TDRD7: variants seen among roughly 807,000 people sequenced by gnomAD.
TDRD7 encodes the protein tudor domain containing 7.
Under a neutral mutation model 109.8 loss-of-function variants are expected in TDRD7, and 47 were observed. That is an observed-to-expected ratio of 0.43 (90% CI 0.34 to 0.55). The LOEUF (loss-of-function observed/expected upper bound fraction) is 0.55. Ranked by LOEUF, TDRD7 falls within the 20% of genes least tolerant of loss-of-function variation. TDRD7 has a pLI of 0.03. For synonymous variants in TDRD7, 424 were observed against 457.3 expected (o/e 0.93, Z 0.93); for missense variants, 1,164 against 1,319.2 (o/e 0.88, Z 1.82).
At chr9:97,459,706 G>A (rs1386644019) in intron 6 of TDRD7, among the ~76,000 whole-genome samples, 1 of 152,128 alleles carries the variant, frequency 6.6e-6, no homozygotes, top group African/African-American at 2.4e-5. Flanking sequence ...TCTAAATAAT[G>A]GAAAGCCAAG....
At position 97,460,406 on chromosome 9, in the gene TDRD7, C is replaced by G; in HGVS notation, c.1084C>G (p.Pro362Ala). 1 of 1,614,202 alleles carries G rather than the reference C, an allele frequency of 6.2e-7. No homozygotes were observed. The highest frequency in any genetic ancestry group is 8.5e-7 in the Non-Finnish European group (1 of 1,180,044). Residue 362 changes from proline (P) to alanine (A), a missense_variant, in exon 7 of 17, where the codon CCG becomes GCG. Coordinates refer to ENST00000355295, the MANE Select transcript of TDRD7 (RefSeq NM_014290.3). ...YTSGLWASAL[P>A]KAFEEMYKVK... ...AAGTGGCCTTTGGGCCAGTGCACTT[C>G]CGAAAGCATTTGAGGAAATGTACAA...
chr9:97,440,105 G>T (rs1295034352), intron 5 of TDRD7, among the ~76,000 whole-genome samples: 4 of 152,072 alleles, frequency 2.6e-5, no homozygotes, highest in Non-Finnish European at 5.9e-5. Flanking sequence ...TGAACAATAT[G>T]ATTTTTGTTT....
At chr9:97,437,349 G>A (rs1828220613) in intron 4 of TDRD7, among the ~76,000 whole-genome samples, 1 of 152,142 alleles carries the variant, frequency 6.6e-6, no homozygotes, top group Non-Finnish European at 1.5e-5. Context: ...CTTCTGAGTT[G>A]TTCATTAGTC....
chr9:97,493,399 A>G (rs1829338531), intron 16 of TDRD7, among the ~76,000 whole-genome samples: 2 of 152,134 alleles, frequency 1.3e-5, no homozygotes. Flanking sequence ...GCAAGTTTCT[A>G]TTAGTGATTT....
At chr9:97,424,810 C>T (rs1827959097) in intron 1 of TDRD7, among the ~76,000 whole-genome samples, 1 of 152,012 alleles carries the variant, frequency 6.6e-6, no homozygotes, top group African/African-American at 2.4e-5. Flanking sequence ...TGGCTTTAAA[C>T]CTGCCATTTT....
intron 1 of TDRD7, among the ~76,000 whole-genome samples, chr9:97,424,218 T>C (rs1023372572): frequency 6.6e-6 from 1 of 151,864 alleles, no homozygotes; most frequent in African/African-American, 2.4e-5. Flanking sequence ...CACGTCCGAC[T>C]GAGTTTTTGT....
At chr9:97,472,596 T>G (rs1828941027) in intron 10 of TDRD7, 101 bp downstream of exon 10, 13 of 1,001,518 alleles carry the variant, frequency 1.3e-5, no homozygotes, top group Middle Eastern at 2.7e-4. Flanking sequence ...AGAGACAGAT[T>G]ACATTTACAT....
At chr9:97,424,705 A>G (rs138751585) in intron 1 of TDRD7, among the ~76,000 whole-genome samples, 112 of 152,258 alleles carry the variant, frequency 7.4e-4, no homozygotes, top group Non-Finnish European at 1.3e-3. Flanking sequence ...AAGGTGGTAT[A>G]TAAGTAAGTC....
At chr9:97,484,988 T>C (rs949357109) in intron 15 of TDRD7, among the ~76,000 whole-genome samples, 1 of 152,228 alleles carries the variant, frequency 6.6e-6, no homozygotes, top group Non-Finnish European at 1.5e-5. Flanking sequence ...TCTTGGACTT[T>C]AGTTAATTTG....
intron 14 of TDRD7, among the ~76,000 whole-genome samples, chr9:97,481,295 A>G (rs1399988609): frequency 6.6e-6 from 1 of 152,214 alleles, no homozygotes; most frequent in Admixed American, 6.5e-5. Flanking sequence ...GATCATTTAA[A>G]TAAGTCCTCT....
rs998195738 is a variant in TDRD7 at position 97,495,743 on chromosome 9, G to A, written c.3157G>A (p.Val1053Met). The A allele has an allele frequency of 1.9e-6, 3 of 1,614,194 alleles. No homozygotes were observed. Among genetic ancestry groups the A allele is most frequent in the Non-Finnish European group, 2.5e-6 (3 of 1,180,032 alleles). The change falls in exon 17 of 17, where the codon GTG becomes ATG. Residue 1053 changes from valine (V) to methionine (M), a missense_variant. By Grantham distance (21) the Val-to-Met change is conservative. Around this residue, in one of 5 missense-constraint regions of TDRD7, gnomAD observed 162 missense variants for 222.5 expected, o/e 0.73. Coordinates refer to ENST00000355295, the MANE Select transcript of TDRD7 (RefSeq NM_014290.3). ...GGAGAAGAAACCTCTGGTGGCACTG[G>A]TGCAGACAGTCATTGAAAATGCTAA... ...HVEKKPLVAL[V>M]QTVIENANPW...
chr9:97,415,899 A>C (rs1827803129), intron 1 of TDRD7, among the ~76,000 whole-genome samples: 1 of 152,220 alleles, frequency 6.6e-6, no homozygotes, highest in Non-Finnish European at 1.5e-5. Context: ...GAAAGTTTCA[A>C]AAAAAAGTCA....
In TDRD7 at chr9:97,483,039, C is replaced by G; in HGVS notation, c.2603C>G (p.Pro868Arg). ...CCCAACAGCAAAAATGGCAACATGC[C>G]CATGTCGGGCAACACTGGAGAGAAT... The part of the protein sequence containing the change: ...DSPNSKNGNM[P>R]MSGNTGENFR... Residue 868 changes from proline to arginine, a missense_variant, in exon 15 of 17, where the codon CCC becomes CGC. Pro to Arg is a moderately radical substitution (Grantham distance 103, BLOSUM62 -2). This residue lies in a region of TDRD7 where 233 missense variants were observed against 218.0 expected (regional missense o/e 1.07). Transcript: ENST00000355295. The G allele has an allele frequency of 6.2e-7, 1 of 1,614,166 alleles. No individual in the cohort carries two copies. The highest frequency in any genetic ancestry group is 8.5e-7 in the Non-Finnish European group (1 of 1,180,028).
chr9:97,428,356 A>G, intron 1 of TDRD7, 104 bp from the exon 2 acceptor site: 1 of 1,102,910 alleles, frequency 9.1e-7, no homozygotes, highest in South Asian at 1.3e-5. Context: ...CACAGAAAGT[A>G]TGCAGTAATA....
intron 11 of TDRD7, 73 bp downstream of exon 11, chr9:97,473,699 A>G: frequency 3.1e-6 from 5 of 1,601,010 alleles, no homozygotes; most frequent in Non-Finnish European, 4.3e-6. Context: ...TAAATTGCAT[A>G]AGTATGAACA....
chr9:97,429,880 A>G (rs1440476680), intron 2 of TDRD7, among the ~76,000 whole-genome samples: 1 of 152,222 alleles, frequency 6.6e-6, no homozygotes, highest in Non-Finnish European at 1.5e-5. Flanking sequence ...TAGAGTTACT[A>G]TACTGTAATT....
intron 16 of TDRD7, among the ~76,000 whole-genome samples, chr9:97,488,147 C>G (rs1216116218): frequency 6.6e-6 from 1 of 152,216 alleles, no homozygotes; most frequent in East Asian, 1.9e-4. Flanking sequence ...CCCCTGTGAG[C>G]ACCCTACCAT....
At chr9:97,466,147 T>C (rs1828818868) in intron 8 of TDRD7, among the ~76,000 whole-genome samples, 1 of 152,202 alleles carries the variant, frequency 6.6e-6, no homozygotes, top group Non-Finnish European at 1.5e-5. Flanking sequence ...TGTCACTGAG[T>C]GCAAATGACC....
intron 8 of TDRD7, among the ~76,000 whole-genome samples, chr9:97,467,130 A>G (rs1296835859): frequency 1.3e-5 from 2 of 152,126 alleles, no homozygotes; most frequent in Admixed American, 1.3e-4. Context: ...AAACGTTCCT[A>G]GATAAACTTC....
Sources: allele counts gnomAD v4.1 joint callset (sites outside exome capture counted in the v4.1 genomes callset), GRCh38; gene constraint gnomAD v4.1.1; regional missense constraint gnomAD v4.1.1; transcripts MANE v1.5; gene names NCBI Gene and HGNC (gene_info 2026-07-23, HGNC 2026-07-21).